NTRK2: variants seen among roughly 807,000 people sequenced by gnomAD.
NTRK2 encodes neurotrophic receptor tyrosine kinase 2, also known as BDNF/NT-3 growth factors receptor.
Under a neutral mutation model 94.5 loss-of-function variants are expected in NTRK2, and 13 were observed. The ratio of observed to expected loss-of-function variants is 0.14; its 90% confidence interval spans 0.09 to 0.22. The LOEUF (loss-of-function observed/expected upper bound fraction) is 0.22, where lower values mean the gene tolerates loss of function less well. Ranked by LOEUF, NTRK2 falls within the 10% of genes least tolerant of loss-of-function variation. The probability of loss-of-function intolerance (pLI) is 1.00; values close to 1 mark genes in which losing one functional copy is unlikely to be tolerated. For synonymous variants in NTRK2, 372 were observed against 407.4 expected (o/e 0.91, Z 1.05); for missense variants, 639 against 1,071.2 (o/e 0.60, Z 5.63).
intron 17 of NTRK2, among the ~76,000 whole-genome samples, chr9:85,015,798 T>A (rs1832155357): frequency 6.6e-6 from 1 of 152,100 alleles, no homozygotes. Context: ...GGGAAGAAGA[T>A]CAAACTTTCT....
chr9:84,778,903 T>C (rs1391603854), intron 12 of NTRK2, among the ~76,000 whole-genome samples: 1 of 152,184 alleles, frequency 6.6e-6, no homozygotes, highest in Admixed American at 6.5e-5. Flanking sequence ...TGTTGAGGGA[T>C]ATGTGGAGAG....
At chr9:84,834,583 C>T (rs191386196) in intron 12 of NTRK2, among the ~76,000 whole-genome samples, 1 of 152,246 alleles carries the variant, frequency 6.6e-6, no homozygotes, top group East Asian at 1.9e-4. Flanking sequence ...AGTCACTTTC[C>T]ATTTCAAATC....
chr9:84,924,505 T>C (rs1447560586), intron 14 of NTRK2, among the ~76,000 whole-genome samples: 1 of 152,172 alleles, frequency 6.6e-6, no homozygotes, highest in Non-Finnish European at 1.5e-5. Flanking sequence ...CTGACAAGTA[T>C]TGTTCCAGCG....
chr9:84,715,807 C>T (rs1018891497), intron 6 of NTRK2, among the ~76,000 whole-genome samples: 2 of 152,128 alleles, frequency 1.3e-5, no homozygotes, highest in East Asian at 1.9e-4. Context: ...AATTCCTGCA[C>T]ACTTAGATGA....
chr9:84,959,672 G>A (rs573768734), intron 17 of NTRK2, among the ~76,000 whole-genome samples: 6 of 152,292 alleles, frequency 3.9e-5, no homozygotes, highest in Non-Finnish European at 7.4e-5. Flanking sequence ...AATTACTCTA[G>A]CATTTATGTT....
chr9:84,754,158 T>C (rs2064874525), intron 12 of NTRK2, among the ~76,000 whole-genome samples: 1 of 152,242 alleles, frequency 6.6e-6, no homozygotes, highest in South Asian at 2.1e-4. Context: ...GCATCCTTAA[T>C]GAATTATAAG....
chr9:84,736,802 A>G (rs2063295056), intron 9 of NTRK2, among the ~76,000 whole-genome samples: 1 of 152,212 alleles, frequency 6.6e-6, no homozygotes, highest in South Asian at 2.1e-4. Flanking sequence ...CCATTGTTAC[A>G]GAAAAAGTGG....
chr9:84,944,452 C>T (rs1392134551), intron 15 of NTRK2, among the ~76,000 whole-genome samples: 1 of 152,036 alleles, frequency 6.6e-6, no homozygotes, highest in African/African-American at 2.4e-5. Context: ...TGAATCAATA[C>T]TACATAGCTA....
At chr9:84,946,843 C>T (rs1003031171) in intron 15 of NTRK2, among the ~76,000 whole-genome samples, 1 of 152,194 alleles carries the variant, frequency 6.6e-6, no homozygotes, top group African/African-American at 2.4e-5. Context: ...TCATTTTCAG[C>T]TTCTAGAGGC....
At chr9:84,882,461 CAAGGTGATTTGG>C (rs952207400) in intron 14 of NTRK2, among the ~76,000 whole-genome samples, 3 of 152,166 alleles carry the variant, frequency 2.0e-5, no homozygotes, top group African/African-American at 7.2e-5. Flanking sequence ...TGCCAAGGGC[CAAGGTGATTTGG>C]AAGGTGATGG....
intron 6 of NTRK2, among the ~76,000 whole-genome samples, chr9:84,717,735 A>G (rs117154411): frequency 6.6e-6 from 1 of 152,254 alleles, no homozygotes; most frequent in African/African-American, 2.4e-5. Flanking sequence ...TATTACTATC[A>G]TCAACAAGAA....
intron 14 of NTRK2, among the ~76,000 whole-genome samples, chr9:84,880,324 T>C (rs550471561): frequency 6.6e-6 from 1 of 152,292 alleles, no homozygotes; most frequent in South Asian, 2.1e-4. Context: ...CCACAGCTCC[T>C]GGGCAGGGTC....
In NTRK2 at chr9:85,021,378, C is replaced by G. The variant is rs1832769090; in HGVS notation, c.2458C>G (p.His820Asp). The change falls in exon 19 of 19, where the codon CAT (histidine) becomes GAT (aspartate). Residue 820 changes from histidine (H) to aspartate (D), a missense_variant. His to Asp is a moderately conservative substitution (Grantham distance 81). This residue lies in a region of NTRK2 where 77 missense variants were observed against 203.6 expected (regional missense o/e 0.38). Transcript: ENST00000277120. ...PHMRKNIKGI[H>D]TLLQNLAKAS... The stretch of plus-strand genomic sequence containing the variant: ...CATGAGGAAGAACATCAAGGGCATC[C>G]ATACCCTCCTTCAGAACTTGGCCAA... 6.2e-7 allele frequency: 1 copy of G among 1,614,058 alleles called. No individual in the cohort carries two copies. Among genetic ancestry groups the G allele is most frequent in the Non-Finnish European group, 8.5e-7 (1 of 1,180,028 alleles).
Position 84,930,754 on chromosome 9 carries a change from G to C in NTRK2, c.1634-3408G>C, listed in dbSNP as rs115603062. On this transcript the variant is annotated intron_variant, in intron 14 of 18. Transcript: ENST00000277120. ...TGGGAGGATAGTGTCTGGATAACTA[G>C]AGACTTCCTGTGGTGTTGTAGGGAA... 9.6e-3 allele frequency among the ~76,000 whole-genome samples: 1,455 copies of C among 152,244 alleles called. 23 individuals carry two copies. Among genetic ancestry groups the C allele is most frequent in the African/African-American group, 0.032 (1,349 of 41,522 alleles).
At chr9:84,926,169 C>CCTTCCTTCCTTCCTTTCTTT (rs2077790007) in intron 14 of NTRK2, among the ~76,000 whole-genome samples, 1 of 38,514 alleles carries the variant, frequency 2.6e-5, no homozygotes, top group African/African-American at 9.2e-5. Flanking sequence ...TTCCTTCCTT[C>CCTTCCTTCCTTCCTTTCTTT]CTTTCTTTCT....
At chr9:84,980,690 C>G (rs867787590) in intron 17 of NTRK2, among the ~76,000 whole-genome samples, 1 of 152,188 alleles carries the variant, frequency 6.6e-6, no homozygotes, top group Non-Finnish European at 1.5e-5. Context: ...AAGTCAACAG[C>G]CAAAGAGGTC....
chr9:84,797,427 C>T (rs955204740), intron 12 of NTRK2, among the ~76,000 whole-genome samples: 6 of 146,598 alleles, frequency 4.1e-5, no homozygotes, highest in South Asian at 2.1e-4. Context: ...TGGGGGATTC[C>T]GTGAAAGCTG....
intron 6 of NTRK2, among the ~76,000 whole-genome samples, chr9:84,712,185 C>T (rs2061452824): frequency 6.6e-6 from 1 of 152,068 alleles, no homozygotes; most frequent in Admixed American, 6.6e-5. Context: ...CACAAACTGC[C>T]TCTTAACAGA....
intron 17 of NTRK2, among the ~76,000 whole-genome samples, chr9:84,991,923 A>G (rs1483229660): frequency 6.6e-6 from 1 of 152,036 alleles, no homozygotes; most frequent in Non-Finnish European, 1.5e-5. Context: ...GCCTCAGTCC[A>G]GGGAGGAGCC....
Sources: gnomAD v4.1 joint callset for allele counts (sites outside exome capture counted in the v4.1 genomes callset) on GRCh38, gnomAD v4.1.1 for gene constraint, gnomAD v4.1.1 regional missense constraint, MANE v1.5 for transcripts, NCBI Gene and HGNC (gene_info 2026-07-23, HGNC 2026-07-21) for gene names.